The following HTR1E variants were observed in gnomAD, a reference collection of about 807,000 sequenced individuals.
HTR1E encodes the protein 5-hydroxytryptamine receptor 1E, also known as 5-HT-1E.
A neutral mutation model predicts 3.4 loss-of-function variants in HTR1E; 3 were observed. That is an observed-to-expected ratio of 0.89 (90% CI 0.41 to 2.31). The LOEUF (loss-of-function observed/expected upper bound fraction) is 2.31. Ranked by LOEUF, HTR1E falls within the 30% of genes most tolerant of loss-of-function variation. The pLI, the probability that HTR1E is intolerant of heterozygous loss-of-function variation, is 0.05. For missense variants in HTR1E, 392 were observed against 467.0 expected (o/e 0.84, Z 1.48); for synonymous variants, 170 against 182.8 (o/e 0.93, Z 0.56).
chr6:86,971,014 C>T (rs1022030868), intron 1 of HTR1E: 3 of 467,086 alleles, frequency 6.4e-6, no homozygotes, highest in South Asian at 5.1e-5. Flanking sequence ...CTTGGAGGAT[C>T]TGATTCATGA....
intron 1 of HTR1E, among the ~76,000 whole-genome samples, chr6:87,013,038 C>A (rs531517365): frequency 9.2e-5 from 14 of 152,308 alleles, no homozygotes; most frequent in African/African-American, 3.1e-4. Flanking sequence ...AAATATAAAA[C>A]CCTCTTTAAG....
intron 1 of HTR1E, chr6:86,971,143 C>G (rs1218211173): frequency 2.0e-6 from 1 of 508,692 alleles, no homozygotes; most frequent in Non-Finnish European, 3.9e-6. Flanking sequence ...GGTGGAGATG[C>G]TGGCAACAGA....
intron 1 of HTR1E, among the ~76,000 whole-genome samples, chr6:86,965,460 G>A (rs900228552): frequency 6.6e-6 from 1 of 152,050 alleles, no homozygotes; most frequent in African/African-American, 2.4e-5. Context: ...TAATACCGGT[G>A]CCTAGCCATC....
chr6:86,972,852 T>A (rs966320580), intron 1 of HTR1E, among the ~76,000 whole-genome samples: 8 of 152,166 alleles, frequency 5.3e-5, no homozygotes, highest in Non-Finnish European at 2.9e-5. Flanking sequence ...TGCCAAATCA[T>A]AATGAGTTTC....
intron 1 of HTR1E, among the ~76,000 whole-genome samples, chr6:86,982,520 G>A (rs1407910391): frequency 6.6e-6 from 1 of 152,222 alleles, no homozygotes; most frequent in African/African-American, 2.4e-5. Context: ...GAATGGGTCA[G>A]CCCTGAAGAG....
At chr6:86,973,867 C>T (rs1460357413) in intron 1 of HTR1E, among the ~76,000 whole-genome samples, 1 of 152,178 alleles carries the variant, frequency 6.6e-6, no homozygotes, top group Non-Finnish European at 1.5e-5. Context: ...CCGCAATAAA[C>T]TGCCTTGCTG....
At chr6:86,976,269 G>A (rs1452798552) in intron 1 of HTR1E, among the ~76,000 whole-genome samples, 1 of 152,110 alleles carries the variant, frequency 6.6e-6, no homozygotes, top group East Asian at 1.9e-4. Context: ...ATGCTAAATG[G>A]GAGAAATGTG....
intron 1 of HTR1E, among the ~76,000 whole-genome samples, chr6:87,003,496 G>A (rs1450015896): frequency 2.0e-5 from 3 of 150,942 alleles, no homozygotes; most frequent in African/African-American, 4.9e-5. Context: ...CTGAGACTGC[G>A]CCATTGCACT....
intron 1 of HTR1E, among the ~76,000 whole-genome samples, chr6:87,010,252 T>A (rs1582285231): frequency 9.9e-6 from 1 of 101,364 alleles, no homozygotes; most frequent in Non-Finnish European, 1.9e-5. Flanking sequence ...CACTTCTCAG[T>A]AGGGGCGGCC....
At chr6:86,992,081 C>T (rs1389264201) in intron 1 of HTR1E, among the ~76,000 whole-genome samples, 2 of 152,190 alleles carry the variant, frequency 1.3e-5, no homozygotes, top group Non-Finnish European at 2.9e-5. Flanking sequence ...AACTGTCCCC[C>T]TCTACCCATC....
intron 1 of HTR1E, among the ~76,000 whole-genome samples, chr6:87,006,779 T>C (rs1691502357): frequency 6.6e-6 from 1 of 152,166 alleles, no homozygotes; most frequent in Non-Finnish European, 1.5e-5. Flanking sequence ...TGCAGGGACA[T>C]GGATGGAGCT....
chr6:87,014,105 T>C (rs1006259226), intron 1 of HTR1E, among the ~76,000 whole-genome samples: 9 of 152,008 alleles, frequency 5.9e-5, no homozygotes, highest in African/African-American at 2.2e-4. Flanking sequence ...CACCCGGGCC[T>C]GTCGTGGGGT....
intron 1 of HTR1E, among the ~76,000 whole-genome samples, chr6:86,965,708 T>C (rs1176213077): frequency 6.6e-6 from 1 of 150,834 alleles, no homozygotes; most frequent in South Asian, 2.1e-4. Context: ...CAAGGAATGA[T>C]AGCAAATATA....
chr6:87,006,593 T>C (rs1335441259), intron 1 of HTR1E, among the ~76,000 whole-genome samples: 1 of 152,186 alleles, frequency 6.6e-6, no homozygotes, highest in Non-Finnish European at 1.5e-5. Flanking sequence ...CAAAGCAATC[T>C]AAATTATCCT....
At chr6:86,939,911 T>C (rs1231631123) in intron 1 of HTR1E, among the ~76,000 whole-genome samples, 1 of 152,222 alleles carries the variant, frequency 6.6e-6, no homozygotes, top group South Asian at 2.1e-4. Context: ...TTCTGGTGTC[T>C]ATACAAAATA....
At chr6:86,969,823 G>A (rs1315358073) in intron 1 of HTR1E, among the ~76,000 whole-genome samples, 1 of 152,196 alleles carries the variant, frequency 6.6e-6, no homozygotes, top group Non-Finnish European at 1.5e-5. Flanking sequence ...GAGTGGTTCA[G>A]GGATTGGCAT....
At chr6:86,954,899 T>C (rs1767299773) in intron 1 of HTR1E, among the ~76,000 whole-genome samples, 1 of 152,200 alleles carries the variant, frequency 6.6e-6, no homozygotes, top group African/African-American at 2.4e-5. Flanking sequence ...CCTTCTTATC[T>C]TGGAAACAAC....
chr6:86,947,815 G>A (rs73497549), intron 1 of HTR1E, among the ~76,000 whole-genome samples: 10,854 of 152,120 alleles, frequency 0.071, 463 homozygotes, highest in Middle Eastern at 0.11. Context: ...GTTAATAATT[G>A]AATTCAGATT....
intron 1 of HTR1E, among the ~76,000 whole-genome samples, chr6:86,964,786 T>C (rs1767452759): frequency 6.6e-6 from 1 of 152,236 alleles, no homozygotes; most frequent in African/African-American, 2.4e-5. Flanking sequence ...TTCTTAAGGT[T>C]CCTTATATTT....
Sources: allele counts gnomAD v4.1 joint callset (sites outside exome capture counted in the v4.1 genomes callset), GRCh38; gene constraint gnomAD v4.1.1; transcripts MANE v1.5; gene names NCBI Gene and HGNC (gene_info 2026-07-23, HGNC 2026-07-21).